Variants in CBLB observed in about 807,000 individuals in gnomAD.
CBLB encodes Cbl proto-oncogene B, also known as E3 ubiquitin-protein ligase CBL-B.
A neutral mutation model predicts 104.9 loss-of-function variants in CBLB; 31 were observed. The observed-to-expected ratio is 0.30, with a 90% CI of 0.22 to 0.40. The LOEUF is 0.40. Among genes scored for constraint, CBLB ranks in the 10% least tolerant of loss-of-function variants. The probability of loss-of-function intolerance (pLI) is 1.00; values close to 1 mark genes in which losing one functional copy is unlikely to be tolerated. For missense variants in CBLB, 1,062 were observed against 1,214.6 expected (o/e 0.87, Z 1.87); for synonymous variants, 440 against 422.6 (o/e 1.04, Z -0.51).
chr3:105,743,498 T>A (rs1401712629), intron 6 of CBLB, among the ~76,000 whole-genome samples: 1 of 151,048 alleles, frequency 6.6e-6, no homozygotes, highest in African/African-American at 2.4e-5. Context: ...TATATATGCA[T>A]ATAAAATGAA....
intron 9 of CBLB, among the ~76,000 whole-genome samples, chr3:105,730,868 G>GT: frequency 6.6e-6 from 1 of 152,092 alleles, no homozygotes; most frequent in Non-Finnish European, 1.5e-5. Context: ...ACTTTACTTA[G>GT]TAAACTATTA....
At chr3:105,723,566 T>C (rs1482057747) in intron 9 of CBLB, among the ~76,000 whole-genome samples, 1 of 152,126 alleles carries the variant, frequency 6.6e-6, no homozygotes, top group African/African-American at 2.4e-5. Flanking sequence ...TTACTTAAAA[T>C]ATAACTTTAG....
intron 3 of CBLB, among the ~76,000 whole-genome samples, chr3:105,806,609 A>T (rs1485963232): frequency 6.6e-6 from 1 of 152,110 alleles, no homozygotes; most frequent in Non-Finnish European, 1.5e-5. Context: ...GCTGGCTGAA[A>T]ACCAACTCAA....
intron 4 of CBLB, among the ~76,000 whole-genome samples, chr3:105,770,474 G>A (rs2078741863): frequency 6.6e-6 from 1 of 152,142 alleles, no homozygotes; most frequent in African/African-American, 2.4e-5. Context: ...AGCTATTCCT[G>A]AATATATCTC....
At chr3:105,813,969 C>T (rs1031282610) in intron 3 of CBLB, among the ~76,000 whole-genome samples, 9 of 152,124 alleles carry the variant, frequency 5.9e-5, no homozygotes, top group Non-Finnish European at 1.2e-4. Flanking sequence ...TAAGAAAGAT[C>T]GTAGGACAGA....
intron 3 of CBLB, among the ~76,000 whole-genome samples, chr3:105,806,743 T>C (rs1298672635): frequency 6.6e-6 from 1 of 151,966 alleles, no homozygotes; most frequent in East Asian, 1.9e-4. Context: ...TGGATAGAAA[T>C]GCACAAAAAG....
chr3:105,728,836 TG>T, intron 9 of CBLB, among the ~76,000 whole-genome samples: 1 of 152,156 alleles, frequency 6.6e-6, no homozygotes, highest in African/African-American at 2.4e-5. Context: ...GCATGACTAA[TG>T]GGCCATTATG....
intron 8 of CBLB, among the ~76,000 whole-genome samples, chr3:105,734,720 C>A (rs1206706287): frequency 6.6e-6 from 1 of 152,166 alleles, no homozygotes; most frequent in Non-Finnish European, 1.5e-5. Context: ...AAAAGTTAGG[C>A]CTGGGGCTTA....
chr3:105,743,076 C>G (rs768045392), intron 6 of CBLB, among the ~76,000 whole-genome samples: 1 of 152,108 alleles, frequency 6.6e-6, no homozygotes, highest in African/African-American at 2.4e-5. Flanking sequence ...TGCTGCTGAC[C>G]CTTTGGCTGG....
intron 17 of CBLB, chr3:105,670,857 T>C (rs2064994208): frequency 1.9e-5 from 3 of 160,760 alleles, no homozygotes; most frequent in African/African-American, 7.2e-5. Flanking sequence ...AATGAATTTG[T>C]GCATGTAAAA....
chr3:105,756,826 A>T (rs1231839737), intron 4 of CBLB, among the ~76,000 whole-genome samples: 1 of 152,210 alleles, frequency 6.6e-6, no homozygotes, highest in Non-Finnish European at 1.5e-5. Context: ...CCCAAACCTC[A>T]TATTGAACTG....
chr3:105,754,493 AAG>A lies in CBLB; in HGVS notation c.567-2877_567-2876del, dbSNP rs1208848396. On this transcript the variant is annotated intron_variant, in intron 4 of 18. Coordinates refer to ENST00000394030, the MANE Select transcript of CBLB (RefSeq NM_170662.5). ...CAGAGACCTGGGAAGAAGAAAAGGGAAGAGAGAGAGAGAGAGAGAGAGAGAGA... is the reference window on the plus strand; with the variant it reads ...CAGAGACCTGGGAAGAAGAAAAGGGAAGAGAGAGAGAGAGAGAGAGAGAGA... Among the ~76,000 whole-genome samples the A allele has an allele frequency of 2.3e-3, 149 of 64,290 alleles. 2 individuals are homozygous for A. Among genetic ancestry groups the A allele is most frequent in the South Asian group, 8.8e-3 (11 of 1,246 alleles). The allele number at this position is 64,290 out of a possible 152,430, so 42.2% of individuals were successfully genotyped here.
intron 3 of CBLB, among the ~76,000 whole-genome samples, chr3:105,778,186 A>G (rs2079711240): frequency 6.6e-6 from 1 of 152,044 alleles, no homozygotes; most frequent in Admixed American, 6.6e-5. Context: ...TTAGGACTCA[A>G]TAAAAATATA....
chr3:105,776,365 A>T lies in CBLB; in HGVS notation c.566+31T>A, dbSNP rs779506665. On this transcript the variant is annotated intron_variant, in intron 4 of 18. Coordinates refer to ENST00000394030, the MANE Select transcript of CBLB (RefSeq NM_170662.5). ...GGATACAGTAACCCTTGAAAGATAG[A>T]TCCACAGCTATAAAAATGATTTTTA... 23 of 1,600,260 alleles carry T rather than the reference A, an allele frequency of 1.4e-5. 1 individual carries two copies. In the South Asian group the frequency reaches 2.5e-4, roughly 18 times the overall value.
intron 3 of CBLB, among the ~76,000 whole-genome samples, chr3:105,852,477 T>C (rs2153118716): frequency 6.6e-6 from 1 of 152,300 alleles, no homozygotes; most frequent in African/African-American, 2.4e-5. Context: ...GTTAAGCTAA[T>C]TGTTAATACC....
At chr3:105,853,735 C>T (rs1463463680) in intron 2 of CBLB, 71 bp from the exon 3 acceptor site, 1 of 1,057,292 alleles carries the variant, frequency 9.5e-7, no homozygotes, top group Non-Finnish European at 1.4e-6. Context: ...AGTTAGAGAA[C>T]CATGTCCTAT....
At chr3:105,825,208 A>T (rs79747059) in intron 3 of CBLB, among the ~76,000 whole-genome samples, 2,206 of 152,314 alleles carry the variant, frequency 0.014, 20 homozygotes, top group Middle Eastern at 0.037. Context: ...GATGAAAAAA[A>T]GAAATCAATC....
At chr3:105,681,304 AC>A (rs2066286499) in intron 16 of CBLB, 174 bp downstream of exon 16, 4 of 635,938 alleles carry the variant, frequency 6.3e-6, no homozygotes. Flanking sequence ...TTAATCATCT[AC>A]ATGGAGTAAT....
intron 3 of CBLB, among the ~76,000 whole-genome samples, chr3:105,824,796 T>C (rs901100033): frequency 6.6e-6 from 1 of 152,078 alleles, no homozygotes; most frequent in South Asian, 2.1e-4. Flanking sequence ...GAGCCTCCTA[T>C]ACCCTTCCAC....
Sources: allele counts gnomAD v4.1 joint callset (sites outside exome capture counted in the v4.1 genomes callset), GRCh38; gene constraint gnomAD v4.1.1; transcripts MANE v1.5; gene names NCBI Gene and HGNC (gene_info 2026-07-23, HGNC 2026-07-21).